The following FGF14 variants were observed in gnomAD, a reference collection of about 807,000 sequenced individuals.
The protein encoded by FGF14 is fibroblast growth factor 14, also known as fibroblast growth factor homologous factor 4.
FGF14 carries 5 observed loss-of-function variants against 25.5 expected under a neutral mutation model. That is an observed-to-expected ratio of 0.20 (90% CI 0.10 to 0.41). FGF14 has a LOEUF of 0.41. Ranked by LOEUF, FGF14 falls within the 10% of genes least tolerant of loss-of-function variation. FGF14 has a pLI of 1.00. For synonymous variants in FGF14, 138 were observed against 118.3 expected (o/e 1.17, Z -1.08); for missense variants, 222 against 320.1 (o/e 0.69, Z 2.34).
chr13:102,066,886 C>T (rs2042926108), intron 1 of FGF14, among the ~76,000 whole-genome samples: 1 of 152,200 alleles, frequency 6.6e-6, no homozygotes, highest in African/African-American at 2.4e-5. Context: ...CCCATCCTCA[C>T]AACCCATGCT....
At chr13:101,836,753 T>G (rs968062046) in intron 3 of FGF14, among the ~76,000 whole-genome samples, 1 of 152,080 alleles carries the variant, frequency 6.6e-6, no homozygotes, top group African/African-American at 2.4e-5. Context: ...ATTATTTTAT[T>G]TTATTGTCCT....
At chr13:101,767,536 G>A (rs1171427990) in intron 3 of FGF14, among the ~76,000 whole-genome samples, 4 of 152,156 alleles carry the variant, frequency 2.6e-5, no homozygotes, top group African/African-American at 9.7e-5. Context: ...ATGTGTGCTT[G>A]TATTTTACTG....
At chr13:101,842,463 T>C (rs1049002806) in intron 3 of FGF14, among the ~76,000 whole-genome samples, 1 of 152,046 alleles carries the variant, frequency 6.6e-6, no homozygotes, top group Non-Finnish European at 1.5e-5. Context: ...GGAGTGCTTA[T>C]GGCTTCAACA....
chr13:101,919,355 C>G (rs142230021), upstream of FGF14, among the ~76,000 whole-genome samples: 117 of 151,184 alleles, frequency 7.7e-4, 1 homozygote, highest in Non-Finnish European at 1.5e-3. Flanking sequence ...GTATAGTGAC[C>G]TCTTAAATCT....
chr13:102,072,463 G>T (rs1441973972), intron 1 of FGF14, among the ~76,000 whole-genome samples: 1 of 152,098 alleles, frequency 6.6e-6, no homozygotes. Flanking sequence ...GCAATTAATA[G>T]CCCAAAGAAA....
chr13:101,799,042 T>C (rs2040718801), intron 3 of FGF14, among the ~76,000 whole-genome samples: 1 of 152,132 alleles, frequency 6.6e-6, no homozygotes, highest in Admixed American at 6.6e-5. Flanking sequence ...CTCATACATA[T>C]ACGGTAAACA....
intron 1 of FGF14, among the ~76,000 whole-genome samples, chr13:102,358,602 A>C (rs1194849490): frequency 6.6e-6 from 1 of 152,092 alleles, no homozygotes; most frequent in Non-Finnish European, 1.5e-5. Context: ...TCTGATCTGT[A>C]CTCCACCTGA....
chr13:102,127,360 T>A (rs138324490), intron 1 of FGF14, among the ~76,000 whole-genome samples: 1 of 152,178 alleles, frequency 6.6e-6, no homozygotes, highest in Non-Finnish European at 1.5e-5. Flanking sequence ...TATCACTTCC[T>A]CTTTCTGTAT....
At chr13:101,723,561 T>A (rs985105129) in intron 4 of FGF14, among the ~76,000 whole-genome samples, 1 of 152,096 alleles carries the variant, frequency 6.6e-6, no homozygotes, top group African/African-American at 2.4e-5. Flanking sequence ...ATCATTTCAA[T>A]GTTCATTTCC....
At chr13:102,224,210 C>T (rs1404543235) in intron 1 of FGF14, among the ~76,000 whole-genome samples, 2 of 152,110 alleles carry the variant, frequency 1.3e-5, no homozygotes, top group Non-Finnish European at 2.9e-5. Flanking sequence ...CATTACTATG[C>T]ATTCCAACAG....
intron 1 of FGF14, among the ~76,000 whole-genome samples, chr13:102,023,992 G>A (rs560115430): frequency 9.5e-4 from 144 of 152,030 alleles, no homozygotes; most frequent in African/African-American, 3.3e-3. Flanking sequence ...ATTCCATTGT[G>A]TCGATCTACC....
chr13:102,132,045 C>A (rs899813164), intron 1 of FGF14, among the ~76,000 whole-genome samples: 1 of 151,838 alleles, frequency 6.6e-6, no homozygotes, highest in Non-Finnish European at 1.5e-5. Context: ...TTTTTTTTGC[C>A]TTAAGACACA....
intron 1 of FGF14, among the ~76,000 whole-genome samples, chr13:102,133,920 C>T (rs2046305099): frequency 6.6e-6 from 1 of 152,208 alleles, no homozygotes; most frequent in Non-Finnish European, 1.5e-5. Flanking sequence ...AACTGACACG[C>T]TTCACTTTTC....
At chr13:102,158,802 A>C (rs2047483503) in intron 1 of FGF14, among the ~76,000 whole-genome samples, 1 of 152,126 alleles carries the variant, frequency 6.6e-6, no homozygotes, top group African/African-American at 2.4e-5. Flanking sequence ...AACTACTATA[A>C]ATTATATAAC....
intron 1 of FGF14, among the ~76,000 whole-genome samples, chr13:101,986,009 C>T (rs2038557364): frequency 6.6e-6 from 1 of 152,086 alleles, no homozygotes; most frequent in South Asian, 2.1e-4. Flanking sequence ...ACACAGAAGA[C>T]AGATGAAAAT....
At chr13:101,932,563 A>G (rs1366339702) in intron 1 of FGF14, among the ~76,000 whole-genome samples, 1 of 151,272 alleles carries the variant, frequency 6.6e-6, no homozygotes, top group African/African-American at 2.4e-5. Flanking sequence ...AAAAGAAATT[A>G]CAAAACATAA....
intron 1 of FGF14, among the ~76,000 whole-genome samples, chr13:102,401,303 G>A (rs944406570): frequency 9.9e-5 from 15 of 151,912 alleles, no homozygotes; most frequent in African/African-American, 3.1e-4. Flanking sequence ...CGTAGACGCC[G>A]ATCCAGCTGT....
chr13:102,321,814 T>C (rs1293423082), intron 1 of FGF14, among the ~76,000 whole-genome samples: 1 of 152,208 alleles, frequency 6.6e-6, no homozygotes, highest in Non-Finnish European at 1.5e-5. Flanking sequence ...TAAAGAATCA[T>C]GTTTTATCCT....
At chr13:102,390,441 T>C (rs1156695594) in intron 1 of FGF14, among the ~76,000 whole-genome samples, 1 of 152,208 alleles carries the variant, frequency 6.6e-6, no homozygotes, top group Non-Finnish European at 1.5e-5. Context: ...ACAAAAACAT[T>C]AGGAGAAATA....
Sources: allele counts gnomAD v4.1 joint callset (sites outside exome capture counted in the v4.1 genomes callset), GRCh38; gene constraint gnomAD v4.1.1; transcripts MANE v1.5; gene names NCBI Gene and HGNC (gene_info 2026-07-23, HGNC 2026-07-21).